The following ELMO1 variants were observed in gnomAD, a reference collection of about 807,000 sequenced individuals.
ELMO1 encodes engulfment and cell motility protein 1.
A neutral mutation model predicts 98.9 loss-of-function variants in ELMO1; 26 were observed. The observed-to-expected ratio is 0.26, with a 90% confidence interval of 0.19 to 0.36. ELMO1 has a LOEUF of 0.36. Among genes scored for constraint, ELMO1 ranks in the 10% least tolerant of loss-of-function variants. The probability of loss-of-function intolerance (pLI) is 1.00; values close to 1 mark genes in which losing one functional copy is unlikely to be tolerated. For synonymous variants in ELMO1, 346 were observed against 346.0 expected, an observed-to-expected ratio of 1.00 and a Z score of 0.00; for missense variants, 627 against 935.2, an observed-to-expected ratio of 0.67 and a Z score of 4.30.
chr7:37,326,474 G>A (rs1213641381), intron 2 of ELMO1, among the ~76,000 whole-genome samples: 13 of 150,220 alleles, frequency 8.7e-5, no homozygotes, highest in Non-Finnish European at 1.9e-4. Flanking sequence ...AGAATCACTG[G>A]AACCTGGGAG....
intron 16 of ELMO1, among the ~76,000 whole-genome samples, chr7:36,983,325 G>C (rs187658127): frequency 2.6e-5 from 4 of 152,306 alleles, no homozygotes; most frequent in Admixed American, 2.6e-4. Context: ...CCCAAATGGC[G>C]TTATTAATAA....
At chr7:37,296,975 G>A (rs1165636366) in intron 4 of ELMO1, among the ~76,000 whole-genome samples, 1 of 152,222 alleles carries the variant, frequency 6.6e-6, no homozygotes, top group Non-Finnish European at 1.5e-5. Context: ...TGCAGCAGCA[G>A]CGAACTTGCT....
chr7:36,991,093 A>AT (rs1791844393), intron 16 of ELMO1, among the ~76,000 whole-genome samples: 1 of 152,214 alleles, frequency 6.6e-6, no homozygotes, highest in Admixed American at 6.5e-5. Context: ...TCTACAGTTT[A>AT]CGACATGGCT....
chr7:37,342,000 T>C (rs923053799), intron 2 of ELMO1, among the ~76,000 whole-genome samples: 3 of 152,224 alleles, frequency 2.0e-5, no homozygotes, highest in African/African-American at 7.2e-5. Context: ...GATGCCTTTA[T>C]GGGTCAAGCC....
At chr7:37,236,383 A>C (rs761720939) in intron 7 of ELMO1, among the ~76,000 whole-genome samples, 11 of 152,222 alleles carry the variant, frequency 7.2e-5, no homozygotes, top group Non-Finnish European at 1.3e-4. Context: ...GTGCTTCTCA[A>C]GTATCCATTA....
At chr7:37,013,276 C>T in intron 16 of ELMO1, 23 bp downstream of exon 16, 2 of 1,612,534 alleles carry the variant, frequency 1.2e-6, no homozygotes, top group South Asian at 2.2e-5. Flanking sequence ...GAATCCCCTG[C>T]CTCTATCCGA....
chr7:37,391,673 T>G lies in ELMO1; in HGVS notation c.-73-48910A>C, dbSNP rs572227637. ...CCACTGAGCCATCCAGAGACCCCAG[T>G]TGGGGGCCGACTTGCATGCCACATT... On this transcript the variant is annotated intron_variant, in intron 1 of 21. Coordinates refer to ENST00000310758, the MANE Select transcript of ELMO1 (RefSeq NM_014800.11). 5.1e-4 allele frequency among the ~76,000 whole-genome samples: 78 copies of G among 152,316 alleles called. No individual in the cohort carries two copies. The Middle Eastern group carries it at 0.014, about 27-fold the overall frequency.
chr7:36,982,541 T>G (rs1791156387), intron 16 of ELMO1, among the ~76,000 whole-genome samples: 1 of 152,226 alleles, frequency 6.6e-6, no homozygotes, highest in Non-Finnish European at 1.5e-5. Flanking sequence ...TGTAGTACAT[T>G]TTTTGTAGTC....
chr7:37,168,184 C>T (rs1004430748), intron 13 of ELMO1, among the ~76,000 whole-genome samples: 2 of 152,246 alleles, frequency 1.3e-5, no homozygotes, highest in African/African-American at 4.8e-5. Context: ...TGGCTTTCAG[C>T]TCCATCAGCT....
intron 16 of ELMO1, among the ~76,000 whole-genome samples, chr7:36,924,577 G>A (rs1785387003): frequency 6.6e-6 from 1 of 152,180 alleles, no homozygotes; most frequent in Non-Finnish European, 1.5e-5. Flanking sequence ...GTTTTCTCCT[G>A]CTGAAGCAGC....
intron 10 of ELMO1, among the ~76,000 whole-genome samples, chr7:37,218,025 C>T (rs2130494388): frequency 6.6e-6 from 1 of 152,306 alleles, no homozygotes; most frequent in East Asian, 1.9e-4. Flanking sequence ...CCAGAAGGAA[C>T]CTTCCCTTCC....
At chr7:37,253,006 G>T (rs992071092) in intron 6 of ELMO1, among the ~76,000 whole-genome samples, 3 of 152,172 alleles carry the variant, frequency 2.0e-5, no homozygotes, top group African/African-American at 7.2e-5. Flanking sequence ...TTAGAGAAAT[G>T]CAAATCAAAA....
chr7:37,136,130 C>T (rs963369410), intron 13 of ELMO1, among the ~76,000 whole-genome samples: 4 of 151,996 alleles, frequency 2.6e-5, no homozygotes, highest in Admixed American at 2.0e-4. Context: ...AACCTCAAAG[C>T]TCAAAGACAA....
intron 13 of ELMO1, among the ~76,000 whole-genome samples, chr7:37,191,146 G>A (rs1453048285): frequency 7.4e-6 from 1 of 134,522 alleles, no homozygotes; most frequent in Non-Finnish European, 1.5e-5. Context: ...CCGAGACCGC[G>A]CCACTGCACT....
At chr7:37,295,690 A>C (rs2717988) in intron 4 of ELMO1, among the ~76,000 whole-genome samples, 128,694 of 152,098 alleles carry the variant, frequency 0.85, 55,731 homozygotes, top group Non-Finnish European at 0.94. Context: ...AATAATGGAA[A>C]CTTTTTGTTC....
At chr7:37,117,446 C>T (rs1420743461) in intron 14 of ELMO1, among the ~76,000 whole-genome samples, 2 of 152,168 alleles carry the variant, frequency 1.3e-5, no homozygotes, top group African/African-American at 4.8e-5. Flanking sequence ...TCTGCCCTCC[C>T]TCCCTGGGAC....
At chr7:36,896,127 CT>C (rs1369879379) in intron 16 of ELMO1, among the ~76,000 whole-genome samples, 1 of 152,150 alleles carries the variant, frequency 6.6e-6, no homozygotes, top group Non-Finnish European at 1.5e-5. Context: ...CAGATGCACC[CT>C]GCTATATGTT....
At chr7:36,900,686 C>T (rs1806434435) in intron 16 of ELMO1, among the ~76,000 whole-genome samples, 1 of 152,012 alleles carries the variant, frequency 6.6e-6, no homozygotes, top group African/African-American at 2.4e-5. Flanking sequence ...AATGGGTGGT[C>T]AATACTTACA....
At chr7:36,965,986 C>T (rs573664756) in intron 16 of ELMO1, among the ~76,000 whole-genome samples, 3 of 152,286 alleles carry the variant, frequency 2.0e-5, no homozygotes, top group South Asian at 2.1e-4. Context: ...AAGAAAAACT[C>T]TGAAGGAAAA....
Sources: gnomAD v4.1 joint callset for allele counts (sites outside exome capture counted in the v4.1 genomes callset) on GRCh38, gnomAD v4.1.1 for gene constraint, MANE v1.5 for transcripts, NCBI Gene and HGNC (gene_info 2026-07-23, HGNC 2026-07-21) for gene names.